UGT1A10: variants seen among roughly 807,000 people sequenced by gnomAD.
UGT1A10 encodes UDP-glucuronosyltransferase 1A10.
A neutral mutation model predicts 45.8 loss-of-function variants in UGT1A10; 49 were observed. The ratio of observed to expected loss-of-function variants is 1.07; its 90% CI spans 0.85 to 1.36. The LOEUF (loss-of-function observed/expected upper bound fraction) is 1.36, where lower values mean the gene tolerates loss of function less well. Among genes scored for constraint, UGT1A10 ranks in the 40% most tolerant of loss-of-function variants. The pLI, the probability that UGT1A10 is intolerant of heterozygous loss-of-function variation, is 0.00. For missense variants in UGT1A10, 745 were observed against 668.6 expected, an observed-to-expected ratio of 1.11 and a Z score of -1.26; for synonymous variants, 284 against 249.7, an observed-to-expected ratio of 1.14 and a Z score of -1.29.
chr2:233,736,730 T>C (rs1173879168), intron 1 of UGT1A10, among the ~76,000 whole-genome samples: 2 of 152,186 alleles, frequency 1.3e-5, no homozygotes, highest in African/African-American at 2.4e-5. Flanking sequence ...TTGATGTTTA[T>C]GCTGTTCCTT....
At chr2:233,691,704 TC>T (rs995733225) in intron 1 of UGT1A10, 2 of 946,920 alleles carry the variant, frequency 2.1e-6, no homozygotes, top group African/African-American at 3.5e-5. Flanking sequence ...GAGGAGTCAC[TC>T]CCCTGGCAGA....
intron 1 of UGT1A10, among the ~76,000 whole-genome samples, chr2:233,738,578 G>A (rs893369002): frequency 6.6e-6 from 1 of 152,224 alleles, no homozygotes; most frequent in African/African-American, 2.4e-5. Context: ...GAGAACTGGA[G>A]CAAAGGTCAC....
At chr2:233,707,609 T>C (rs2075976108) in intron 1 of UGT1A10, among the ~76,000 whole-genome samples, 1 of 152,084 alleles carries the variant, frequency 6.6e-6, no homozygotes, top group African/African-American at 2.4e-5. Flanking sequence ...TTGTAGTTTG[T>C]GGATTGTCAG....
At chr2:233,682,335 T>A in intron 1 of UGT1A10, 1 of 1,614,168 alleles carries the variant, frequency 6.2e-7, no homozygotes. Context: ...GACCGAAAAT[T>A]AGTAGAATAC....
Position 233,769,754 on chromosome 2 carries a change from C to T in UGT1A10, c.1295+1315C>T. On this transcript the variant is annotated intron_variant, in intron 4 of 4. Coordinates refer to ENST00000344644, the MANE Select transcript of UGT1A10 (RefSeq NM_019075.4). The surrounding 1 kb of genome is among the most constrained non-coding windows in gnomAD (Gnocchi z 4.4). ...CCTGTAGTCCCAGCCACTCTGGAGGCTAAGGCGGGAGGATTGCTTGAGCCC... is the reference window on the plus strand; with the variant it reads ...CCTGTAGTCCCAGCCACTCTGGAGGTTAAGGCGGGAGGATTGCTTGAGCCC... The T allele has an allele frequency of 7.0e-7, 1 of 1,426,418 alleles. No homozygotes were observed. Among genetic ancestry groups the T allele is most frequent in the African/African-American group, 1.4e-5 (1 of 70,050 alleles). The allele number at this position is 1,426,418 out of a possible 1,614,324, so 88.4% of individuals were successfully genotyped here.
At chr2:233,729,254 G>T (rs1181621220) in intron 1 of UGT1A10, 6 of 1,614,100 alleles carry the variant, frequency 3.7e-6, no homozygotes, top group Middle Eastern at 1.6e-4. Context: ...CACTGGCTCA[G>T]CATGCGGGAG....
At chr2:233,710,204 G>A (rs2076118608) in intron 1 of UGT1A10, among the ~76,000 whole-genome samples, 1 of 152,110 alleles carries the variant, frequency 6.6e-6, no homozygotes, top group Non-Finnish European at 1.5e-5. Context: ...TCCAGTTGTT[G>A]GCTATTATGA....
intron 1 of UGT1A10, among the ~76,000 whole-genome samples, chr2:233,701,032 C>G (rs559298566): frequency 6.6e-6 from 1 of 152,118 alleles, no homozygotes; most frequent in African/African-American, 2.4e-5. Flanking sequence ...ATCCATGTCC[C>G]TACAAAGGAC....
At chr2:233,729,271 C>G (rs45595237) in intron 1 of UGT1A10, 3 of 1,614,050 alleles carry the variant, frequency 1.9e-6, no homozygotes, top group Non-Finnish European at 8.5e-7. Flanking sequence ...GGAGGTCTTG[C>G]GGGAGCTCCA....
intron 1 of UGT1A10, among the ~76,000 whole-genome samples, chr2:233,674,949 C>T (rs2074303116): frequency 6.6e-6 from 1 of 152,142 alleles, no homozygotes; most frequent in Non-Finnish European, 1.5e-5. Flanking sequence ...TTGGTTACAT[C>T]TTGCTGGGAA....
chr2:233,680,985 G>T (rs563383872), intron 1 of UGT1A10, among the ~76,000 whole-genome samples: 147 of 152,136 alleles, frequency 9.7e-4, no homozygotes, highest in African/African-American at 3.3e-3. Context: ...AGGCAGGGTT[G>T]TCAATCTCAT....
At chr2:233,654,293 T>C (rs988903269) in intron 1 of UGT1A10, among the ~76,000 whole-genome samples, 27 of 152,196 alleles carry the variant, frequency 1.8e-4, no homozygotes, top group African/African-American at 6.0e-4. Context: ...AGTTAGACCT[T>C]AGGGATTTGG....
In UGT1A10 at chr2:233,739,290, C is replaced by A. The variant is rs1363558012; in HGVS notation, c.856-27744C>A. On this transcript the variant is annotated intron_variant, in intron 1 of 4. Transcript: ENST00000344644. ...TTGGAGCCCCCACACAGAGTCTCCACTGGGGCACTGCCTAGTGGAGTTGTG... is the reference window on the plus strand; with the variant it reads ...TTGGAGCCCCCACACAGAGTCTCCAATGGGGCACTGCCTAGTGGAGTTGTG... Among the ~76,000 whole-genome samples, 3 of 152,214 alleles carry A rather than the reference C, an allele frequency of 2.0e-5. No homozygotes were observed. In the East Asian group the frequency reaches 5.8e-4, roughly 29 times the overall value.
intron 1 of UGT1A10, among the ~76,000 whole-genome samples, chr2:233,750,279 C>G (rs577374317): frequency 6.6e-6 from 1 of 152,046 alleles, no homozygotes; most frequent in East Asian, 1.9e-4. Flanking sequence ...AGCAAAGAGA[C>G]TGGTGGCATT....
At chr2:233,745,894 T>G (rs1160883177) in intron 1 of UGT1A10, among the ~76,000 whole-genome samples, 1 of 150,898 alleles carries the variant, frequency 6.6e-6, no homozygotes, top group African/African-American at 2.5e-5. Context: ...TGGGGTGGCG[T>G]TTTTCAGGGA....
chr2:233,636,888 G>C lies in UGT1A10; in HGVS notation c.366G>C (p.Ser122=), dbSNP rs767585841. 2 of 1,613,714 alleles carry C rather than the reference G, an allele frequency of 1.2e-6. No individual in the cohort carries two copies. Among genetic ancestry groups the C allele is most frequent in the South Asian group, 1.1e-5 (1 of 91,010 alleles). ...SSSGFLDLFF[S]HCRSLFNDRK... ...GTGGTTTTCTTGACTTATTTTTTTC[G>C]CATTGCAGGAGTTTGTTTAATGACC... The change falls in exon 1 of 5, where the codon TCG becomes TCC. Residue 122 remains serine (S), a synonymous_variant. Transcript: ENST00000344644.
At position 233,772,651 on chromosome 2, in the gene UGT1A10, T is replaced by C. The variant is rs1700540535; in HGVS notation, c.*92T>C. 1.3e-6 allele frequency: 2 copies of C among 1,547,716 alleles called. No individual in the cohort carries two copies. Among genetic ancestry groups the C allele is most frequent in the Non-Finnish European group, 1.7e-6 (2 of 1,146,578 alleles). ...ATCAGTGTTAAATTCATTTTATTCT[T>C]ATTAAGGAAATACTTTGCATAAATT... On this transcript the variant is annotated 3_prime_UTR_variant, in exon 5 of 5. Transcript: ENST00000344644.
chr2:233,651,018 T>C (rs1342469619), intron 1 of UGT1A10, among the ~76,000 whole-genome samples: 1 of 152,208 alleles, frequency 6.6e-6, no homozygotes. Context: ...GGATTGACTT[T>C]TAGCCAACTC....
rs147555582 is a variant in UGT1A10, at chr2:233,719,200, G to C, written c.856-47834G>C. ...AATGTATCTTTGGCCCTTCATAGGT[G>C]TTGTGTGGAGCTACTGCATAATGAG... is the stretch of plus-strand genomic sequence containing the variant. On this transcript the variant is annotated intron_variant, in intron 1 of 4. Coordinates refer to ENST00000344644, the MANE Select transcript of UGT1A10 (RefSeq NM_019075.4). 146 of 1,614,136 alleles carry C rather than the reference G, an allele frequency of 9.0e-5. 3 individuals carry two copies. The highest frequency in any genetic ancestry group is 3.3e-4 in the Middle Eastern group (2 of 6,062).
Sources: gnomAD v4.1 joint callset for allele counts (sites outside exome capture counted in the v4.1 genomes callset) on GRCh38, gnomAD v4.1.1 for gene constraint, Gnocchi (gnomAD v3.1) non-coding constraint, MANE v1.5 for transcripts, NCBI Gene and HGNC (gene_info 2026-07-23, HGNC 2026-07-21) for gene names.